The following UBXN2B variants were observed in gnomAD, a reference collection of about 807,000 sequenced individuals.
UBXN2B encodes the protein UBX domain protein 2B, also known as UBX domain-containing protein 2B.
Under a neutral mutation model 37.5 loss-of-function variants are expected in UBXN2B, and 19 were observed. The ratio of observed to expected loss-of-function variants is 0.51; its 90% CI spans 0.35 to 0.74. The LOEUF (loss-of-function observed/expected upper bound fraction) is 0.74. Among genes scored for constraint, UBXN2B ranks in the 30% least tolerant of loss-of-function variants. UBXN2B has a pLI of 0.01. For synonymous variants in UBXN2B, 145 were observed against 143.8 expected (o/e 1.01, Z -0.06); for missense variants, 370 against 393.2 (o/e 0.94, Z 0.50).
intron 7 of UBXN2B, among the ~76,000 whole-genome samples, chr8:58,446,837 T>C (rs1808688580): frequency 7.6e-6 from 1 of 131,238 alleles, no homozygotes; most frequent in African/African-American, 2.8e-5. Flanking sequence ...TTACTCTGTC[T>C]CCCAGGCTGG....
chr8:58,429,686 A>C (rs906254312), intron 2 of UBXN2B, among the ~76,000 whole-genome samples: 1 of 152,198 alleles, frequency 6.6e-6, no homozygotes, highest in Non-Finnish European at 1.5e-5. Flanking sequence ...TCCAAGGCAG[A>C]TATCATTTCC....
At chr8:58,444,890 A>G (rs1808634282) in intron 6 of UBXN2B, among the ~76,000 whole-genome samples, 1 of 152,224 alleles carries the variant, frequency 6.6e-6, no homozygotes. Flanking sequence ...GTACTCTGAG[A>G]GAGAAGCTTT....
chr8:58,432,974 C>T (rs1438752243), intron 3 of UBXN2B, among the ~76,000 whole-genome samples, 186 bp from the exon 4 acceptor site: 1 of 152,152 alleles, frequency 6.6e-6, no homozygotes, highest in Non-Finnish European at 1.5e-5. Flanking sequence ...GTTTTCATTT[C>T]ATTATTCGTC....
At chr8:58,432,274 C>T (rs1264660476) in intron 3 of UBXN2B, among the ~76,000 whole-genome samples, 1 of 151,530 alleles carries the variant, frequency 6.6e-6, no homozygotes, top group Admixed American at 6.6e-5. Context: ...AGGTTGACAC[C>T]AGAGTTTATT....
intron 1 of UBXN2B, among the ~76,000 whole-genome samples, chr8:58,412,117 C>T (rs1412396858): frequency 6.6e-6 from 1 of 152,166 alleles, no homozygotes; most frequent in Non-Finnish European, 1.5e-5. Context: ...CAGATACTAA[C>T]GCCACTTTTC....
At chr8:58,444,400 G>T (rs1031091530) in intron 6 of UBXN2B, among the ~76,000 whole-genome samples, 1 of 152,160 alleles carries the variant, frequency 6.6e-6, no homozygotes, top group African/African-American at 2.4e-5. Context: ...TAAGTGACTT[G>T]CCTGGTGTTA....
intron 6 of UBXN2B, 47 bp from the exon 7 acceptor site, chr8:58,445,860 T>C: frequency 6.7e-7 from 1 of 1,500,328 alleles, no homozygotes. Flanking sequence ...CTTCAGTTTG[T>C]CATATATTTT....
chr8:58,421,361 C>T (rs1385864638), intron 2 of UBXN2B, among the ~76,000 whole-genome samples: 1 of 150,752 alleles, frequency 6.6e-6, no homozygotes, highest in Non-Finnish European at 1.5e-5. Context: ...TTTTTTAAAG[C>T]TATTAAGACT....
intron 2 of UBXN2B, among the ~76,000 whole-genome samples, chr8:58,423,754 T>A (rs1807997203): frequency 6.6e-6 from 1 of 151,384 alleles, no homozygotes; most frequent in Non-Finnish European, 1.5e-5. Flanking sequence ...TTTTTTTTTT[T>A]AAGCCACTAA....
At position 58,431,375 on chromosome 8, in the gene UBXN2B, A is replaced by G. The variant is rs1222975149; in HGVS notation, c.339+706A>G. On this transcript the variant is annotated intron_variant, in intron 3 of 7. Coordinates refer to ENST00000399598, the MANE Select transcript of UBXN2B (RefSeq NM_001077619.2). ...TTTTTCACTTGGCATAATGCCCTTC[A>G]GATCTGTCAGAGTTATTGCTTGTAT... is the stretch of plus-strand genomic sequence containing the variant. 3.9e-5 allele frequency among the ~76,000 whole-genome samples: 6 copies of G among 152,234 alleles called. No individual in the cohort carries two copies. In the East Asian group the frequency reaches 9.6e-4, roughly 24 times the overall value.
intron 4 of UBXN2B, 42 bp downstream of exon 4, chr8:58,433,285 T>A: frequency 6.7e-7 from 1 of 1,491,940 alleles, no homozygotes; most frequent in Non-Finnish European, 9.2e-7. Flanking sequence ...AATATTTGCT[T>A]CTAGTTACTA....
chr8:58,424,010 A>G (rs1337828729), intron 2 of UBXN2B, among the ~76,000 whole-genome samples: 2 of 152,086 alleles, frequency 1.3e-5, no homozygotes, highest in Non-Finnish European at 2.9e-5. Context: ...TGCCAATGCA[A>G]AGGTAGACCA....
In UBXN2B at chr8:58,416,950, A is replaced by G. The variant is rs770203167; in HGVS notation, c.185A>G (p.Gln62Arg). 1.3e-6 allele frequency: 2 copies of G among 1,591,332 alleles called. No individual in the cohort carries two copies. The highest frequency in any genetic ancestry group is 2.7e-5 in the African/African-American group (2 of 74,372). ...TTCAAGAGCCCACGGACACCACCTCAACGGTAAGTTTTATTTTGTTTTGTT... is the reference window on the plus strand; with the variant it reads ...TTCAAGAGCCCACGGACACCACCTCGACGGTAAGTTTTATTTTGTTTTGTT... ...TVFKSPRTPP[Q>R]RFYSSEHEYS... is the part of the protein sequence containing the mutation. The change falls in exon 2 of 8, where the codon CAA (glutamine) becomes CGA (arginine). Residue 62 changes from glutamine to arginine, a missense_variant. Around this residue, in one of 3 missense-constraint regions of UBXN2B, gnomAD observed 197 missense variants for 170.2 expected, o/e 1.16. Coordinates refer to ENST00000399598, the MANE Select transcript of UBXN2B (RefSeq NM_001077619.2).
At chr8:58,425,339 C>T in intron 2 of UBXN2B, 1 of 1,153,494 alleles carries the variant, frequency 8.7e-7, no homozygotes, top group East Asian at 2.3e-5. Context: ...TCTTGGAATA[C>T]CATCCGCCAA....
rs1808495618 is a variant in UBXN2B at position 58,439,623 on chromosome 8, T to C, written c.534-10T>C. ...ACTTAATGATAACTTTTTTCCCCCCTTTTTAAAAGAGAGATTCCCCTGGAG... is the reference window on the plus strand; with the variant it reads ...ACTTAATGATAACTTTTTTCCCCCCCTTTTAAAAGAGAGATTCCCCTGGAG... On this transcript the variant is annotated splice_polypyrimidine_tract_variant and intron_variant, in intron 5 of 7. Coordinates refer to ENST00000399598, the MANE Select transcript of UBXN2B (RefSeq NM_001077619.2). The C allele has an allele frequency of 6.3e-7, 1 of 1,586,812 alleles. No homozygotes were observed. Among genetic ancestry groups the C allele is most frequent in the South Asian group, 1.2e-5 (1 of 85,504 alleles).
rs575306542 is a variant in UBXN2B at position 58,422,487 on chromosome 8, C to T, written c.188+5534C>T. Among the ~76,000 whole-genome samples the T allele has an allele frequency of 4.0e-4, 61 of 152,300 alleles. 1 individual carries two copies. Among genetic ancestry groups the T allele is most frequent in the African/African-American group, 1.4e-3 (59 of 41,560 alleles). Reference sequence around the variant, plus strand: ...ATATTTTCATTGAAATATCCACACTCGATGATTCAACATATAAGGCGAAGA... The same window carrying T: ...ATATTTTCATTGAAATATCCACACTTGATGATTCAACATATAAGGCGAAGA... On this transcript the variant is annotated intron_variant, in intron 2 of 7. Transcript: ENST00000399598.
chr8:58,440,339 T>C (rs10095270), intron 6 of UBXN2B, among the ~76,000 whole-genome samples: 22,811 of 152,226 alleles, frequency 0.15, 1,950 homozygotes, highest in African/African-American at 0.23. Flanking sequence ...GCAGGAGCAA[T>C]GTGCTTAGCT....
chr8:58,439,118 AT>A (rs1362241163), intron 5 of UBXN2B, among the ~76,000 whole-genome samples: 15 of 152,128 alleles, frequency 9.9e-5, no homozygotes, highest in African/African-American at 3.6e-4. Flanking sequence ...CCAGAAGCAG[AT>A]TCTGGTGCCT....
rs1422040750 is a variant in UBXN2B at position 58,430,614 on chromosome 8, A to G, written c.284A>G (p.His95Arg). ...VNELFKEARE[H>R]GAVPLNEATR... is the part of the protein sequence containing the mutation. ...GAACTTTTCAAAGAGGCAAGGGAAC[A>G]TGGGGCTGTCCCTCTGAATGAAGCC... The change falls in exon 3 of 8, where the codon CAT (histidine) becomes CGT (arginine). Residue 95 changes from histidine to arginine, a missense_variant. Physicochemically the swap from His to Arg is conservative, Grantham distance 29 (BLOSUM62 0). Coordinates refer to ENST00000399598, the MANE Select transcript of UBXN2B (RefSeq NM_001077619.2). The G allele has an allele frequency of 6.2e-7, 1 of 1,603,014 alleles. No individual in the cohort carries two copies. The highest frequency in any genetic ancestry group is 1.1e-5 in the South Asian group (1 of 89,520).
Sources: allele counts gnomAD v4.1 joint callset (sites outside exome capture counted in the v4.1 genomes callset), GRCh38; gene constraint gnomAD v4.1.1; regional missense constraint gnomAD v4.1.1; transcripts MANE v1.5; gene names NCBI Gene and HGNC (gene_info 2026-07-23, HGNC 2026-07-21).